The following SLCO5A1 variants were observed in gnomAD, a reference collection of about 807,000 sequenced individuals.
SLCO5A1 encodes the protein organic anion transporter polypeptide-related protein 4.
In SLCO5A1, 39 loss-of-function variants were observed where a neutral mutation model predicts 65.1. The observed-to-expected ratio is 0.60, with a 90% CI of 0.46 to 0.78. SLCO5A1 has a LOEUF of 0.78. Ranked by LOEUF, SLCO5A1 falls within the 30% of genes least tolerant of loss-of-function variation. SLCO5A1 has a pLI of 0.00. For synonymous variants in SLCO5A1, 438 were observed against 415.7 expected, an observed-to-expected ratio of 1.05 and a Z score of -0.65; for missense variants, 1,029 against 1,069.4, an observed-to-expected ratio of 0.96 and a Z score of 0.53.
chr8:69,764,647 T>G (rs567647359), intron 2 of SLCO5A1, among the ~76,000 whole-genome samples: 1 of 152,358 alleles, frequency 6.6e-6, no homozygotes, highest in African/African-American at 2.4e-5. Flanking sequence ...TCTTTGTTTA[T>G]AGTCTAGACT....
intron 4 of SLCO5A1, among the ~76,000 whole-genome samples, chr8:69,738,433 C>T (rs1001337399): frequency 1.6e-4 from 24 of 151,130 alleles, no homozygotes; most frequent in African/African-American, 5.8e-4. Context: ...AGTAAAGTAC[C>T]TAAAAACATA....
intron 2 of SLCO5A1, among the ~76,000 whole-genome samples, chr8:69,775,347 G>T (rs1022350131): frequency 3.3e-5 from 5 of 152,122 alleles, no homozygotes; most frequent in Non-Finnish European, 7.4e-5. Flanking sequence ...AGTATCTGGG[G>T]CATGGAAGGG....
rs898095792 is a variant in SLCO5A1, at chr8:69,825,974, T to C, written c.907+5793A>G. On this transcript the variant is annotated intron_variant, in intron 2 of 9. Transcript: ENST00000260126. ...AGAACAGAGCCCTCAGAAATAACGC[T>C]GCATATCTACAACTATCTGATCTTT... Among the ~76,000 whole-genome samples, 194 of 152,186 alleles carry C rather than the reference T, an allele frequency of 1.3e-3. 1 individual carries two copies. Among genetic ancestry groups the C allele is most frequent in the Non-Finnish European group, 2.1e-3 (145 of 68,002 alleles).
At chr8:69,713,692 T>C (rs1815380803) in intron 5 of SLCO5A1, 1 of 152,232 alleles carries the variant, frequency 6.6e-6, no homozygotes, top group East Asian at 1.9e-4. Flanking sequence ...TTTTCTTTCA[T>C]AATAACTCAA....
intron 2 of SLCO5A1, chr8:69,794,022 G>T (rs886341779): frequency 5.3e-6 from 1 of 189,050 alleles, no homozygotes; most frequent in African/African-American, 2.4e-5. Flanking sequence ...GATCAAGTCT[G>T]CTGAGGCTGC....
chr8:69,778,853 G>A (rs1431929819), intron 2 of SLCO5A1, among the ~76,000 whole-genome samples: 3 of 152,148 alleles, frequency 2.0e-5, no homozygotes, highest in African/African-American at 7.2e-5. Flanking sequence ...TGTATGTACA[G>A]GACAGTATTT....
At chr8:69,707,675 G>C (rs1815034854) in intron 5 of SLCO5A1, among the ~76,000 whole-genome samples, 1 of 152,192 alleles carries the variant, frequency 6.6e-6, no homozygotes, top group South Asian at 2.1e-4. Context: ...AGACAGCTTA[G>C]ATGTGGTCAA....
chr8:69,832,250 C>T lies in SLCO5A1; in HGVS notation c.424G>A (p.Ala142Thr), dbSNP rs367773646. 2.4e-5 allele frequency: 38 copies of T among 1,614,178 alleles called. No individual in the cohort carries two copies. The highest frequency in any genetic ancestry group is 3.1e-5 in the Non-Finnish European group (37 of 1,180,028). The change falls in exon 2 of 10, where the codon GCG becomes ACG. Residue 142 changes from alanine (A) to threonine (T), a missense_variant. This residue lies in a region of SLCO5A1 where 647 missense variants were observed against 647.5 expected (regional missense o/e 1.00). Coordinates refer to ENST00000260126, the MANE Select transcript of SLCO5A1 (RefSeq NM_030958.3). This position sits in a 1 kb window ranked among gnomAD's most constrained non-coding sequence, Gnocchi z 4.5. The stretch of plus-strand genomic sequence containing the variant: ...CTCAGGTACCCAGAGACCATTAACG[C>T]CTGGATGAAGGTCAGAAAGCACATG... Reference protein sequence around the residue: ...VCMCFLTFIQALMVSGYLSSV... With the variant: ...VCMCFLTFIQTLMVSGYLSSV...
intron 2 of SLCO5A1, among the ~76,000 whole-genome samples, chr8:69,782,562 A>G (rs1818840734): frequency 6.7e-6 from 1 of 149,992 alleles, no homozygotes; most frequent in Admixed American, 6.6e-5. Flanking sequence ...TTTGGGAGAC[A>G]GAGCAAGACC....
chr8:69,826,769 C>A (rs936520796), intron 2 of SLCO5A1, among the ~76,000 whole-genome samples: 306 of 152,226 alleles, frequency 2.0e-3, no homozygotes, highest in Middle Eastern at 6.8e-3. Flanking sequence ...ACTAGAAATA[C>A]CATTTGACCC....
chr8:69,686,345 A>G (rs1814002150), intron 6 of SLCO5A1, among the ~76,000 whole-genome samples: 2 of 152,276 alleles, frequency 1.3e-5, no homozygotes, highest in East Asian at 1.9e-4. Flanking sequence ...GAAGACTTCA[A>G]TGAGAATGTT....
intron 6 of SLCO5A1, 30 bp downstream of exon 6, chr8:69,705,001 G>A: frequency 6.3e-7 from 1 of 1,596,294 alleles, no homozygotes. Flanking sequence ...CCATCGTGCA[G>A]ACACGACACG....
intron 2 of SLCO5A1, among the ~76,000 whole-genome samples, chr8:69,766,538 T>C (rs1818065781): frequency 6.6e-6 from 1 of 152,114 alleles, no homozygotes; most frequent in African/African-American, 2.4e-5. Flanking sequence ...CATGTGTGTG[T>C]GCATGTGTGT....
intron 3 of SLCO5A1, among the ~76,000 whole-genome samples, chr8:69,758,979 TC>T (rs1817642483): frequency 6.6e-6 from 1 of 152,202 alleles, no homozygotes; most frequent in Non-Finnish European, 1.5e-5. Flanking sequence ...ATTATTGAAC[TC>T]CCTGAGCATC....
chr8:69,674,730 T>C (rs1328557467), intron 9 of SLCO5A1, among the ~76,000 whole-genome samples: 3 of 152,014 alleles, frequency 2.0e-5, no homozygotes, highest in Non-Finnish European at 4.4e-5. Context: ...GAAGAAATTA[T>C]CTTTTTCTGG....
intron 5 of SLCO5A1, among the ~76,000 whole-genome samples, chr8:69,731,021 G>A (rs1182670395): frequency 6.7e-6 from 1 of 149,376 alleles, no homozygotes; most frequent in African/African-American, 2.5e-5. Flanking sequence ...TTTTTGAGAT[G>A]AAGTCTGGCT....
chr8:69,742,794 CTTTTTTTTTT>C (rs10633803), intron 4 of SLCO5A1, among the ~76,000 whole-genome samples: 7 of 83,190 alleles, frequency 8.4e-5, no homozygotes, highest in African/African-American at 2.0e-4. Context: ...TGAGTGGATT[CTTTTTTTTTT>C]TTTTTTTTTT....
At chr8:69,742,459 G>T (rs1816825919) in intron 4 of SLCO5A1, among the ~76,000 whole-genome samples, 1 of 152,114 alleles carries the variant, frequency 6.6e-6, no homozygotes, top group South Asian at 2.1e-4. Context: ...ACAAATTCAG[G>T]CTGGCACTAA....
At chr8:69,834,594 G>T (rs1360263458) in intron 1 of SLCO5A1, among the ~76,000 whole-genome samples, 1 of 152,124 alleles carries the variant, frequency 6.6e-6, no homozygotes, top group African/African-American at 2.4e-5. Flanking sequence ...CTCGCGGGGG[G>T]CGTCCGAACC....
Sources: gnomAD v4.1 joint callset for allele counts (sites outside exome capture counted in the v4.1 genomes callset) on GRCh38, gnomAD v4.1.1 for gene constraint, gnomAD v4.1.1 regional missense constraint, Gnocchi (gnomAD v3.1) non-coding constraint, MANE v1.5 for transcripts, NCBI Gene and HGNC (gene_info 2026-07-23, HGNC 2026-07-21) for gene names.